GPC6: variants seen among roughly 807,000 people sequenced by gnomAD.
GPC6 encodes glypican 6, also known as glypican-6.
GPC6 carries 14 observed loss-of-function variants against 55.2 expected under a neutral mutation model. That is an observed-to-expected ratio of 0.25 (90% confidence interval 0.17 to 0.40). The LOEUF (loss-of-function observed/expected upper bound fraction) is 0.40, where lower values mean the gene tolerates loss of function less well. Ranked by LOEUF, GPC6 falls within the 10% of genes least tolerant of loss-of-function variation. The probability of loss-of-function intolerance (pLI) is 1.00; values close to 1 mark genes in which losing one functional copy is unlikely to be tolerated. For missense variants in GPC6, 641 were observed against 708.5 expected (o/e 0.90, Z 1.08); for synonymous variants, 278 against 259.6 (o/e 1.07, Z -0.68).
intron 6 of GPC6, among the ~76,000 whole-genome samples, chr13:94,351,214 A>C (rs1010099502): frequency 6.6e-6 from 1 of 152,082 alleles, no homozygotes; most frequent in Non-Finnish European, 1.5e-5. Context: ...GTAAAAATAA[A>C]AAGTCATGAG....
At chr13:94,315,646 C>T (rs549508181) in intron 6 of GPC6, among the ~76,000 whole-genome samples, 2 of 152,264 alleles carry the variant, frequency 1.3e-5, no homozygotes, top group South Asian at 2.1e-4. Flanking sequence ...GTAACATTAT[C>T]GACCACAAAC....
chr13:93,965,206 T>C (rs1346433411), intron 3 of GPC6, among the ~76,000 whole-genome samples: 1 of 147,868 alleles, frequency 6.8e-6, no homozygotes, highest in African/African-American at 2.5e-5. Flanking sequence ...GGTCAGGAGA[T>C]TGAGACCATC....
intron 1 of GPC6, among the ~76,000 whole-genome samples, chr13:93,346,533 G>T (rs1395480666): frequency 2.6e-5 from 4 of 152,140 alleles, no homozygotes; most frequent in Non-Finnish European, 5.9e-5. Context: ...TGATGTGAGG[G>T]GTTCCAGGGA....
intron 2 of GPC6, among the ~76,000 whole-genome samples, chr13:93,778,919 G>C (rs1885550181): frequency 6.6e-6 from 1 of 152,170 alleles, no homozygotes; most frequent in South Asian, 2.1e-4. Context: ...TCAGAGAACT[G>C]TAGCCAATCC....
intron 1 of GPC6, among the ~76,000 whole-genome samples, chr13:93,530,136 G>C (rs531291130): frequency 2.2e-4 from 33 of 152,246 alleles, no homozygotes; most frequent in African/African-American, 6.7e-4. Flanking sequence ...TAGGTCTTTC[G>C]TAACAGTAGC....
At chr13:94,233,576 C>T (rs1223654700) in intron 4 of GPC6, among the ~76,000 whole-genome samples, 1 of 152,096 alleles carries the variant, frequency 6.6e-6, no homozygotes, top group African/African-American at 2.4e-5. Context: ...CATTCAGTCC[C>T]ACGAGGGACA....
At chr13:93,623,518 G>T (rs1478457276) in intron 2 of GPC6, among the ~76,000 whole-genome samples, 1 of 142,372 alleles carries the variant, frequency 7.0e-6, no homozygotes. Flanking sequence ...GAGTGCAGTG[G>T]TGCATTCTCA....
chr13:94,071,646 C>G (rs1884739960), intron 4 of GPC6, among the ~76,000 whole-genome samples: 1 of 152,142 alleles, frequency 6.6e-6, no homozygotes, highest in African/African-American at 2.4e-5. Flanking sequence ...AACAGTAATG[C>G]CTTTCCTTAG....
At chr13:93,503,512 A>T (rs1432668065) in intron 1 of GPC6, among the ~76,000 whole-genome samples, 1 of 152,234 alleles carries the variant, frequency 6.6e-6, no homozygotes, top group African/African-American at 2.4e-5. Context: ...ACAGGCTGCA[A>T]GAGGGATTTT....
rs889039818 is a variant in GPC6, at chr13:93,269,739, C to G, written c.160+42123C>G. ...AGGAGATCAAGACTATCCTGGCTAG[C>G]ACGGTGAAACCCCATCTCTACTAAA... On this transcript the variant is annotated intron_variant, in intron 1 of 8. Coordinates refer to ENST00000377047, the MANE Select transcript of GPC6 (RefSeq NM_005708.5). Among the ~76,000 whole-genome samples, 4 of 139,040 alleles carry G rather than the reference C, an allele frequency of 2.9e-5. No individual in the cohort carries two copies. The Admixed American group carries it at 3.0e-4, about 11-fold the overall frequency. The allele number at this position is 139,040 out of a possible 152,430, so 91.2% of individuals were successfully genotyped here.
chr13:94,289,240 A>G (rs1874806509), intron 5 of GPC6, among the ~76,000 whole-genome samples: 1 of 152,030 alleles, frequency 6.6e-6, no homozygotes, highest in South Asian at 2.1e-4. Context: ...CAGAGCTTAA[A>G]GGTAAAAAGA....
chr13:94,175,957 G>GAC (rs1566502596), intron 4 of GPC6, among the ~76,000 whole-genome samples: 1 of 60,168 alleles, frequency 1.7e-5, no homozygotes, highest in Non-Finnish European at 4.1e-5. Flanking sequence ...TATATATATA[G>GAC]AGAGAGAGAG....
intron 2 of GPC6, among the ~76,000 whole-genome samples, chr13:93,664,694 T>C (rs1342955982): frequency 6.6e-6 from 1 of 152,156 alleles, no homozygotes; most frequent in Non-Finnish European, 1.5e-5. Context: ...CTCGGCTCAC[T>C]GCAACCTGCA....
chr13:94,032,554 C>T (rs910422876), intron 4 of GPC6, among the ~76,000 whole-genome samples: 1 of 152,096 alleles, frequency 6.6e-6, no homozygotes, highest in Non-Finnish European at 1.5e-5. Context: ...CTTAAATGCT[C>T]GTTTGTTTTA....
At chr13:93,841,768 A>G (rs574582385) in intron 3 of GPC6, among the ~76,000 whole-genome samples, 8 of 152,344 alleles carry the variant, frequency 5.3e-5, no homozygotes, top group South Asian at 2.1e-4. Context: ...TGCCACTGTC[A>G]TATTTAATAC....
At chr13:94,199,194 G>A (rs1889676770) in intron 4 of GPC6, among the ~76,000 whole-genome samples, 1 of 152,190 alleles carries the variant, frequency 6.6e-6, no homozygotes, top group African/African-American at 2.4e-5. Context: ...TAATATCCTA[G>A]CTAAAATCTG....
intron 1 of GPC6, among the ~76,000 whole-genome samples, chr13:93,412,379 G>A (rs1406443315): frequency 1.3e-5 from 2 of 152,258 alleles, no homozygotes; most frequent in South Asian, 4.2e-4. Context: ...GGCCAAGCCG[G>A]GCACAGTGAA....
intron 6 of GPC6, among the ~76,000 whole-genome samples, chr13:94,373,223 T>C (rs1465312616): frequency 1.3e-5 from 2 of 152,022 alleles, no homozygotes; most frequent in Non-Finnish European, 2.9e-5. Flanking sequence ...AGAATGACTT[T>C]GACGAGCTGA....
chr13:94,343,576 G>A (rs978860679), intron 6 of GPC6, among the ~76,000 whole-genome samples: 40 of 152,274 alleles, frequency 2.6e-4, no homozygotes, highest in Non-Finnish European at 2.8e-4. Context: ...ATGAAATAGG[G>A]AAAATAGAAA....
Sources: allele counts gnomAD v4.1 joint callset (sites outside exome capture counted in the v4.1 genomes callset), GRCh38; gene constraint gnomAD v4.1.1; transcripts MANE v1.5; gene names NCBI Gene and HGNC (gene_info 2026-07-23, HGNC 2026-07-21).